The following CADM2 variants were observed in gnomAD, a reference collection of about 807,000 sequenced individuals.
CADM2 encodes the protein cell adhesion molecule 2.
In CADM2, 12 loss-of-function variants were observed where a neutral mutation model predicts 49.8. That is an observed-to-expected ratio of 0.24 (90% CI 0.15 to 0.39). CADM2 has a LOEUF of 0.39. Among genes scored for constraint, CADM2 ranks in the 10% least tolerant of loss-of-function variants. CADM2 has a pLI of 1.00. For missense variants in CADM2, 378 were observed against 492.3 expected, an observed-to-expected ratio of 0.77 and a Z score of 2.20; for synonymous variants, 214 against 175.4, an observed-to-expected ratio of 1.22 and a Z score of -1.74.
intron 1 of CADM2, among the ~76,000 whole-genome samples, chr3:85,260,059 T>A (rs918818409): frequency 6.6e-6 from 1 of 152,134 alleles, no homozygotes; most frequent in Admixed American, 6.6e-5. Flanking sequence ...TAAAATTTTT[T>A]AAATATTTTT....
chr3:85,572,360 C>A (rs2062504505), intron 1 of CADM2, among the ~76,000 whole-genome samples: 1 of 152,004 alleles, frequency 6.6e-6, no homozygotes, highest in South Asian at 2.1e-4. Flanking sequence ...ATATATGAGG[C>A]ATAAAAGTTT....
At chr3:85,855,053 AC>A (rs373446597) in intron 3 of CADM2, among the ~76,000 whole-genome samples, 1 of 151,918 alleles carries the variant, frequency 6.6e-6, no homozygotes, top group African/African-American at 2.4e-5. Flanking sequence ...CTTCCATGAC[AC>A]CCCAAGAGAT....
At chr3:86,042,220 A>G (rs1335262799) in intron 8 of CADM2, among the ~76,000 whole-genome samples, 3 of 152,182 alleles carry the variant, frequency 2.0e-5, no homozygotes, top group Non-Finnish European at 4.4e-5. Context: ...GCAATAAATA[A>G]CTAAGATCAG....
At chr3:86,038,005 A>G (rs79568444) in intron 8 of CADM2, among the ~76,000 whole-genome samples, 5,186 of 151,952 alleles carry the variant, frequency 0.034, 172 homozygotes, top group African/African-American at 0.084. Context: ...CCCCCTGACA[A>G]GCTGTGGTGT....
At chr3:85,176,379 A>G (rs2040787590) in intron 1 of CADM2, among the ~76,000 whole-genome samples, 1 of 152,222 alleles carries the variant, frequency 6.6e-6, no homozygotes, top group Admixed American at 6.5e-5. Flanking sequence ...TGTATAAACT[A>G]AAGCAAAAAT....
chr3:85,101,755 T>C (rs894299509), intron 1 of CADM2, among the ~76,000 whole-genome samples: 1 of 152,228 alleles, frequency 6.6e-6, no homozygotes. Flanking sequence ...GTTTTCATAT[T>C]TAATGTTTAC....
At chr3:85,421,302 C>G (rs886840619) in intron 1 of CADM2, among the ~76,000 whole-genome samples, 2 of 152,082 alleles carry the variant, frequency 1.3e-5, no homozygotes, top group African/African-American at 4.8e-5. Context: ...TAAAAATGAT[C>G]ATCATTTATT....
intron 1 of CADM2, among the ~76,000 whole-genome samples, chr3:85,297,745 C>T (rs546788328): frequency 4.6e-4 from 70 of 152,000 alleles, no homozygotes; most frequent in African/African-American, 1.6e-3. Flanking sequence ...CATATTGATC[C>T]GTGACATGTT....
intron 2 of CADM2, among the ~76,000 whole-genome samples, chr3:85,776,336 TACACACACAC>T (rs141105558): frequency 1.4e-5 from 2 of 146,158 alleles, no homozygotes; most frequent in African/African-American, 5.0e-5. Context: ...CAAACTCTCT[TACACACACAC>T]ACACACACAC....
chr3:85,860,604 T>A (rs1023479549), intron 3 of CADM2, among the ~76,000 whole-genome samples: 1 of 152,190 alleles, frequency 6.6e-6, no homozygotes, highest in African/African-American at 2.4e-5. Flanking sequence ...GGTGCATAGA[T>A]AGCACCATCT....
At position 85,156,515 on chromosome 3, in the gene CADM2, G is replaced by T. The variant is rs1240058563; in HGVS notation, c.61+196847G>T. 5.3e-5 allele frequency among the ~76,000 whole-genome samples: 8 copies of T among 152,310 alleles called. No individual in the cohort carries two copies. The East Asian group carries it at 7.7e-4, about 15-fold the overall frequency. ...ACCAACCAAAAAGAGTCCAGGACCA[G>T]ATGGATTCACAGCCAAATTCTACCA... is the stretch of plus-strand genomic sequence containing the variant. On this transcript the variant is annotated intron_variant, in intron 1 of 9. Coordinates refer to ENST00000383699, the MANE Select transcript of CADM2 (RefSeq NM_001167675.2).
intron 1 of CADM2, among the ~76,000 whole-genome samples, chr3:85,396,047 T>A (rs1484936440): frequency 6.6e-6 from 1 of 150,550 alleles, no homozygotes; most frequent in Non-Finnish European, 1.5e-5. Flanking sequence ...ATCATAATGA[T>A]AATTTATAAA....
chr3:85,659,083 T>TAATAATAAC (rs1253912561), intron 1 of CADM2, among the ~76,000 whole-genome samples: 3 of 148,904 alleles, frequency 2.0e-5, no homozygotes, highest in Admixed American at 6.7e-5. Context: ...ATAATAATAA[T>TAATAATAAC]AACAATAAAT....
chr3:85,126,121 T>G (rs1057487455), intron 1 of CADM2, among the ~76,000 whole-genome samples: 8 of 152,196 alleles, frequency 5.3e-5, no homozygotes, highest in Non-Finnish European at 1.2e-4. Flanking sequence ...TACTGTAAAT[T>G]TTGTATGAAG....
At chr3:85,098,916 C>T (rs1559660443) in intron 1 of CADM2, among the ~76,000 whole-genome samples, 1 of 152,204 alleles carries the variant, frequency 6.6e-6, no homozygotes, top group Non-Finnish European at 1.5e-5. Flanking sequence ...CTGCTTATTA[C>T]TGTTTGGCAT....
At position 85,644,071 on chromosome 3, in the gene CADM2, C is replaced by T. The variant is rs78200375; in HGVS notation, c.62-82451C>T. The stretch of plus-strand genomic sequence containing the variant: ...CCATGCATTACTCTGCTATGGTTAC[C>T]ATAACAGAATATCACAGGCTGACAC... On this transcript the variant is annotated intron_variant, in intron 1 of 9. Coordinates refer to ENST00000383699, the MANE Select transcript of CADM2 (RefSeq NM_001167675.2). Among the ~76,000 whole-genome samples, 318 of 152,140 alleles carry T rather than the reference C, an allele frequency of 2.1e-3. 2 individuals carry two copies. The highest frequency in any genetic ancestry group is 7.3e-3 in the African/African-American group (304 of 41,504).
At chr3:85,677,414 G>A (rs1208942448) in intron 1 of CADM2, among the ~76,000 whole-genome samples, 1 of 152,106 alleles carries the variant, frequency 6.6e-6, no homozygotes, top group Non-Finnish European at 1.5e-5. Flanking sequence ...AACAAGGATG[G>A]AAGTTACATC....
Position 85,420,844 on chromosome 3 carries a change from C to G in CADM2, c.62-305678C>G, listed in dbSNP as rs568078985. On this transcript the variant is annotated intron_variant, in intron 1 of 9. Transcript: ENST00000383699. The stretch of plus-strand genomic sequence containing the variant: ...CTGATGCTCATTGTACCTATGTTAT[C>G]TTATAAAATAAGTGTTGTATTTGTG... Among the ~76,000 whole-genome samples, 72 of 152,194 alleles carry G rather than the reference C, an allele frequency of 4.7e-4. 1 individual carries two copies. In the East Asian group the frequency reaches 0.013, roughly 28 times the overall value.
Position 86,022,698 on chromosome 3 carries a change from T to A in CADM2, c.971-42907T>A, listed in dbSNP as rs142538744. ...TAAATACACATACACACACATGCAC[T>A]TAGAGAGCGTCCTCATTTTCTGAAC... is the stretch of plus-strand genomic sequence containing the variant. On this transcript the variant is annotated intron_variant, in intron 8 of 9. Transcript: ENST00000383699. Among the ~76,000 whole-genome samples the A allele has an allele frequency of 3.0e-3, 452 of 152,252 alleles. 1 individual carries two copies. Among genetic ancestry groups the A allele is most frequent in the African/African-American group, 0.01 (426 of 41,562 alleles).
Sources: allele counts gnomAD v4.1 joint callset (sites outside exome capture counted in the v4.1 genomes callset), GRCh38; gene constraint gnomAD v4.1.1; transcripts MANE v1.5; gene names NCBI Gene and HGNC (gene_info 2026-07-23, HGNC 2026-07-21).